Variants in NR3C2 observed in about 807,000 individuals in gnomAD.
NR3C2 encodes the protein mineralocorticoid receptor.
In NR3C2, 15 loss-of-function variants were observed where a neutral mutation model predicts 86.4. The observed-to-expected ratio is 0.17, with a 90% CI of 0.12 to 0.27. The LOEUF (loss-of-function observed/expected upper bound fraction) is 0.27. Ranked by LOEUF, NR3C2 falls within the 10% of genes least tolerant of loss-of-function variation. The probability of loss-of-function intolerance (pLI) is 1.00; values close to 1 mark genes in which losing one functional copy is unlikely to be tolerated. For missense variants in NR3C2, 960 were observed against 1,195.6 expected (o/e 0.80, Z 2.91); for synonymous variants, 458 against 450.5 (o/e 1.02, Z -0.21).
At chr4:148,442,063 G>A (rs1316774111) in intron 1 of NR3C2, 97 bp downstream of exon 1, 2 of 152,400 alleles carry the variant, frequency 1.3e-5, no homozygotes, top group East Asian at 1.9e-4. Context: ...TGTGCCTCCG[G>A]ATTACGCAGC....
At chr4:148,205,305 G>C (rs1736948680) in intron 3 of NR3C2, among the ~76,000 whole-genome samples, 1 of 152,150 alleles carries the variant, frequency 6.6e-6, no homozygotes, top group Non-Finnish European at 1.5e-5. Flanking sequence ...AATTAGACTA[G>C]TTTTGGGTCT....
intron 2 of NR3C2, among the ~76,000 whole-genome samples, chr4:148,277,025 T>G (rs958011474): frequency 5.3e-5 from 8 of 152,258 alleles, no homozygotes; most frequent in African/African-American, 1.9e-4. Context: ...ATCACATTTA[T>G]TTCACTTGAT....
chr4:148,350,035 A>T (rs1200408191), intron 2 of NR3C2, among the ~76,000 whole-genome samples: 1 of 152,208 alleles, frequency 6.6e-6, no homozygotes, highest in African/African-American at 2.4e-5. Context: ...CCTTATTATA[A>T]ATAAAAACAA....
intron 3 of NR3C2, among the ~76,000 whole-genome samples, chr4:148,252,399 A>T (rs1739622719): frequency 6.6e-6 from 1 of 152,206 alleles, no homozygotes; most frequent in African/African-American, 2.4e-5. Context: ...AATATGAAGT[A>T]CTTGGCACAG....
upstream of NR3C2, chr4:148,444,845 G>C: frequency 1.0e-6 from 1 of 985,000 alleles, no homozygotes; most frequent in South Asian, 4.7e-5. Context: ...CGTTGACAGC[G>C]GCGTCCCTGG....
intron 2 of NR3C2, among the ~76,000 whole-genome samples, chr4:148,384,279 G>C (rs945948285): frequency 6.6e-6 from 1 of 151,914 alleles, no homozygotes; most frequent in East Asian, 1.9e-4. Flanking sequence ...TTATCAATAT[G>C]AGAATACTTA....
At chr4:148,444,921 T>G (rs1750510395), upstream of NR3C2, 1 of 984,338 alleles carries the variant, frequency 1.0e-6, no homozygotes, top group African/African-American at 1.8e-5. Context: ...CCGCGCCCCC[T>G]CCCCGGGCCC....
intron 2 of NR3C2, among the ~76,000 whole-genome samples, chr4:148,332,631 C>T (rs190468524): frequency 6.6e-6 from 1 of 152,138 alleles, no homozygotes; most frequent in Admixed American, 6.6e-5. Context: ...GCATCTTAGT[C>T]AAAACATCTC....
intron 2 of NR3C2, among the ~76,000 whole-genome samples, chr4:148,413,144 A>G (rs1012418347): frequency 1.3e-5 from 2 of 152,198 alleles, no homozygotes; most frequent in Non-Finnish European, 2.9e-5. Flanking sequence ...CCTAGTGTTT[A>G]TTGAAAGCTT....
At chr4:148,261,162 TGCTATGGTGCACTATGGTCAGC>T (rs1186955634) in intron 2 of NR3C2, among the ~76,000 whole-genome samples, 4 of 152,104 alleles carry the variant, frequency 2.6e-5, no homozygotes, top group South Asian at 2.1e-4. Context: ...CTGGGGAAAG[TGCTATGGTGCACTATGGTCAGC>T]GCTATGGTGC....
At chr4:148,102,608 T>C (rs1200640049) in intron 8 of NR3C2, among the ~76,000 whole-genome samples, 1 of 152,128 alleles carries the variant, frequency 6.6e-6, no homozygotes, top group East Asian at 1.9e-4. Context: ...TGAACCTCTC[T>C]TGGTGCTCCT....
chr4:148,273,715 G>T (rs1046982990), intron 2 of NR3C2, among the ~76,000 whole-genome samples: 1 of 152,180 alleles, frequency 6.6e-6, no homozygotes, highest in African/African-American at 2.4e-5. Flanking sequence ...AGGTAGTCAG[G>T]AAGCAGAAAG....
chr4:148,340,933 C>T (rs1015715601), intron 2 of NR3C2, among the ~76,000 whole-genome samples: 1 of 151,856 alleles, frequency 6.6e-6, no homozygotes, highest in African/African-American at 2.4e-5. Context: ...CATCTCATCC[C>T]AGTTAAAATG....
At chr4:148,142,215 C>A (rs1259651415) in intron 6 of NR3C2, among the ~76,000 whole-genome samples, 3 of 152,150 alleles carry the variant, frequency 2.0e-5, no homozygotes, top group Non-Finnish European at 4.4e-5. Flanking sequence ...ATTTTAGGAG[C>A]TGGCAATGCA....
chr4:148,261,135 C>T (rs1159228214), intron 2 of NR3C2, among the ~76,000 whole-genome samples: 1 of 152,200 alleles, frequency 6.6e-6, no homozygotes, highest in Non-Finnish European at 1.5e-5. Flanking sequence ...CTAGTAGCAA[C>T]ACTTCATAAA....
At chr4:148,415,517 C>T (rs1298642129) in intron 2 of NR3C2, among the ~76,000 whole-genome samples, 1 of 151,956 alleles carries the variant, frequency 6.6e-6, no homozygotes, top group African/African-American at 2.4e-5. Flanking sequence ...AACAAATGGC[C>T]CCATAACTTT....
rs149271171 is a variant in NR3C2, at chr4:148,209,610, T to C, written c.1898-14748A>G. Among the ~76,000 whole-genome samples, 967 of 152,266 alleles carry C rather than the reference T, an allele frequency of 6.4e-3. 8 individuals are homozygous for C. The highest frequency in any genetic ancestry group is 0.022 in the African/African-American group (932 of 41,554). ...ACTCGGCCTGGCCTAAGAAAGCATA[T>C]AGATTTATAACTGATTGCCTAACTA... On this transcript the variant is annotated intron_variant, in intron 3 of 8. Transcript: ENST00000358102.
At chr4:148,307,376 A>G (rs17024579) in intron 2 of NR3C2, among the ~76,000 whole-genome samples, 3,567 of 152,290 alleles carry the variant, frequency 0.023, 52 homozygotes, top group African/African-American at 0.041. Flanking sequence ...ATTATATTTT[A>G]GGATTTTCAA....
intron 2 of NR3C2, among the ~76,000 whole-genome samples, chr4:148,350,943 GTGTTCAATAAAATATAATGT>G (rs948902255): frequency 6.6e-6 from 1 of 151,948 alleles, no homozygotes; most frequent in Non-Finnish European, 1.5e-5. Flanking sequence ...TATGCTTTAG[GTGTTCAATAAAATATAATGT>G]TGTTCAATAA....
Sources: gnomAD v4.1 joint callset for allele counts (sites outside exome capture counted in the v4.1 genomes callset) on GRCh38, gnomAD v4.1.1 for gene constraint, MANE v1.5 for transcripts, NCBI Gene and HGNC (gene_info 2026-07-23, HGNC 2026-07-21) for gene names.